CPB1: variants seen among roughly 807,000 people sequenced by gnomAD.
The protein encoded by CPB1 is carboxypeptidase B1.
CPB1 carries 53 observed loss-of-function variants against 51.4 expected under a neutral mutation model. The observed-to-expected ratio is 1.03, with a 90% confidence interval of 0.83 to 1.30. The LOEUF (loss-of-function observed/expected upper bound fraction) is 1.30, where lower values mean the gene tolerates loss of function less well. Ranked by LOEUF, CPB1 falls within the 50% of genes most tolerant of loss-of-function variation. The pLI is 0.00. For synonymous variants in CPB1, 189 were observed against 186.9 expected (o/e 1.01, Z -0.09); for missense variants, 494 against 516.2 (o/e 0.96, Z 0.42).
chr3:148,845,300 G>A lies in CPB1; in HGVS notation c.779-124G>A, dbSNP rs557223781. 1.9e-4 allele frequency: 133 copies of A among 695,810 alleles called. 1 individual carries two copies. The highest frequency in any genetic ancestry group is 1.2e-3 in the Middle Eastern group (3 of 2,442). The allele number at this position is 695,810 out of a possible 1,614,324, so 43.1% of individuals were successfully genotyped here. A position where few individuals can be genotyped will look rare whatever the true frequency, so the allele number is the denominator to read the frequency against. On this transcript the variant is annotated intron_variant, in intron 8 of 10. Coordinates refer to ENST00000282957, the MANE Select transcript of CPB1 (RefSeq NM_001871.3). ...TACTATATAATATATACATAATAGGGACAACTTTAAGGACTCCTTGATAAG... is the reference window on the plus strand; with the variant it reads ...TACTATATAATATATACATAATAGGAACAACTTTAAGGACTCCTTGATAAG...
intron 2 of CPB1, among the ~76,000 whole-genome samples, chr3:148,831,308 A>T (rs1712729456): frequency 6.6e-6 from 1 of 152,244 alleles, no homozygotes; most frequent in African/African-American, 2.4e-5. Flanking sequence ...TGTTCTTATC[A>T]TTCCTACTGT....
chr3:148,850,118 G>A (rs537229056), intron 9 of CPB1, among the ~76,000 whole-genome samples: 2 of 152,262 alleles, frequency 1.3e-5, no homozygotes, highest in South Asian at 4.2e-4. Flanking sequence ...ATTCTTTTGA[G>A]AGATATATAT....
At chr3:148,832,583 C>A (rs1316338469) in intron 2 of CPB1, among the ~76,000 whole-genome samples, 2 of 152,174 alleles carry the variant, frequency 1.3e-5, no homozygotes, top group Non-Finnish European at 2.9e-5. Flanking sequence ...CCACAGAGGA[C>A]AACTGGCGGT....
chr3:148,853,837 TGTGA>T (rs1205724450), intron 9 of CPB1, among the ~76,000 whole-genome samples: 1 of 152,230 alleles, frequency 6.6e-6, no homozygotes, highest in Non-Finnish European at 1.5e-5. Context: ...TTTTATCCTC[TGTGA>T]GTGTTAGTTC....
At chr3:148,858,464 C>T (rs1430250823) in intron 10 of CPB1, among the ~76,000 whole-genome samples, 3 of 151,824 alleles carry the variant, frequency 2.0e-5, no homozygotes, top group South Asian at 2.1e-4. Context: ...CCCAGCTGCT[C>T]GGGAGGCTGA....
intron 2 of CPB1, 70 bp downstream of exon 2, chr3:148,828,147 G>GAA: frequency 1.4e-5 from 16 of 1,165,410 alleles, no homozygotes; most frequent in Admixed American, 2.2e-5. Flanking sequence ...TCCGACAATG[G>GAA]AAAAAAAAAC....
At chr3:148,839,334 T>C (rs148589829) in intron 3 of CPB1, among the ~76,000 whole-genome samples, 71 of 152,264 alleles carry the variant, frequency 4.7e-4, no homozygotes, top group Non-Finnish European at 8.8e-5. Context: ...TTTATCCCAG[T>C]GAGACTTGTG....
chr3:148,829,441 C>A (rs1318845588), intron 2 of CPB1, among the ~76,000 whole-genome samples: 1 of 152,108 alleles, frequency 6.6e-6, no homozygotes, highest in Non-Finnish European at 1.5e-5. Context: ...CTTATATTAA[C>A]CTGTGTTCAG....
chr3:148,842,013 G>GA (rs1713100692), intron 6 of CPB1, 89 bp downstream of exon 6: 6 of 1,017,374 alleles, frequency 5.9e-6, no homozygotes, highest in Non-Finnish European at 7.4e-6. Context: ...TAATAACACA[G>GA]AAAAAAATAC....
Position 148,841,913 on chromosome 3 carries a change from T to C in CPB1, c.565T>C (p.Phe189Leu). 9 of 1,612,838 alleles carry C rather than the reference T, an allele frequency of 5.6e-6. No individual in the cohort carries two copies. Among genetic ancestry groups the C allele is most frequent in the Non-Finnish European group, 7.6e-6 (9 of 1,178,932 alleles). ...EWISPAFCQW[F>L]VREAVRTYGR... ...GATTTCTCCTGCATTCTGCCAGTGG[T>C]TTGTAAGAGAGGTCAGTGTGTAGAG... is the stretch of plus-strand genomic sequence containing the variant. Residue 189 changes from phenylalanine (F) to leucine (L), a missense_variant, in exon 6 of 11, where the codon TTT becomes CTT. Transcript: ENST00000282957.
At chr3:148,845,385 C>T (rs779757860) in intron 8 of CPB1, 39 bp from the exon 9 acceptor site, 1 of 1,582,800 alleles carries the variant, frequency 6.3e-7, no homozygotes, top group East Asian at 2.2e-5. Flanking sequence ...AAGAACTTCA[C>T]TAGGTGATCC....
At chr3:148,857,707 G>A (rs1713623518) in intron 10 of CPB1, 166 bp downstream of exon 10, 6 of 491,488 alleles carry the variant, frequency 1.2e-5, no homozygotes, top group South Asian at 3.2e-5. Context: ...AAAAAAGGAG[G>A]GAAAGCCTGG....
intron 9 of CPB1, among the ~76,000 whole-genome samples, chr3:148,846,877 A>G (rs1457202186): frequency 7.7e-6 from 1 of 129,118 alleles, no homozygotes; most frequent in Admixed American, 8.7e-5. Context: ...TTTTCACTTA[A>G]GCTTGGTCTG....
At chr3:148,847,752 A>C (rs1422663614) in intron 9 of CPB1, among the ~76,000 whole-genome samples, 1 of 152,148 alleles carries the variant, frequency 6.6e-6, no homozygotes, top group African/African-American at 2.4e-5. Context: ...CCACAAAATA[A>C]TCTTATCTTG....
intron 2 of CPB1, among the ~76,000 whole-genome samples, chr3:148,832,685 T>C (rs1576566406): frequency 6.6e-6 from 1 of 152,318 alleles, no homozygotes; most frequent in East Asian, 1.9e-4. Flanking sequence ...AATTCATCAT[T>C]CGCTTTTCAG....
intron 8 of CPB1, among the ~76,000 whole-genome samples, chr3:148,845,080 G>A (rs998893994): frequency 3.0e-4 from 46 of 152,102 alleles, no homozygotes; most frequent in African/African-American, 9.2e-4. Flanking sequence ...ACATAAAATC[G>A]TAATGCAATT....
chr3:148,831,053 A>G (rs1287927642), intron 2 of CPB1, among the ~76,000 whole-genome samples: 1 of 152,142 alleles, frequency 6.6e-6, no homozygotes, highest in Non-Finnish European at 1.5e-5. Flanking sequence ...GTCCTTTTAA[A>G]TGCTGAATAT....
chr3:148,834,622 A>G lies in CPB1; in HGVS notation c.272A>G (p.Lys91Arg). 1 of 1,605,120 alleles carries G rather than the reference A, an allele frequency of 6.2e-7. No individual in the cohort carries two copies. ...NVLKQNELQYKVLISNLRNVV... is the reference protein window; with the variant it reads ...NVLKQNELQYRVLISNLRNVV... ...CTAAAGCAGAATGAACTACAATACA[A>G]GTAAGTTTATGTTTTATAAATATTA... The change falls in exon 3 of 11, where the codon AAG becomes AGG. Residue 91 changes from lysine (K) to arginine (R), a missense_variant and splice_region_variant. Physicochemically the swap from Lys to Arg is conservative, Grantham distance 26 (BLOSUM62 2). Coordinates refer to ENST00000282957, the MANE Select transcript of CPB1 (RefSeq NM_001871.3).
rs1359813592 is a variant in CPB1, at chr3:148,840,979, A to C, written c.474+4A>C. ...ACGCGCTATTTACCTCCTGAAGGTA[A>C]TCATTTTTAACCATGACCTTGCCAT... On this transcript the variant is annotated splice_donor_region_variant and intron_variant, in intron 5 of 10. Transcript: ENST00000282957. 4 of 1,612,090 alleles carry C rather than the reference A, an allele frequency of 2.5e-6. No homozygotes were observed. Among genetic ancestry groups the C allele is most frequent in the Non-Finnish European group, 3.4e-6 (4 of 1,178,472 alleles).
Sources: allele counts gnomAD v4.1 joint callset (sites outside exome capture counted in the v4.1 genomes callset), GRCh38; gene constraint gnomAD v4.1.1; transcripts MANE v1.5; gene names NCBI Gene and HGNC (gene_info 2026-07-23, HGNC 2026-07-21).